Variants in CISD2 observed in about 807,000 individuals in gnomAD.
CISD2 encodes CDGSH iron-sulfur domain-containing protein 2.
Under a neutral mutation model 12.9 loss-of-function variants are expected in CISD2, and 1 was observed. That is an observed-to-expected ratio of 0.08 (90% CI 0.03 to 0.37). The LOEUF is 0.37. Ranked by LOEUF, CISD2 falls within the 10% of genes least tolerant of loss-of-function variation. The pLI is 0.99. For missense variants in CISD2, 97 were observed against 163.1 expected, an observed-to-expected ratio of 0.59 and a Z score of 2.21; for synonymous variants, 50 against 60.6, an observed-to-expected ratio of 0.83 and a Z score of 0.81.
intron 1 of CISD2, among the ~76,000 whole-genome samples, chr4:102,883,773 C>T (rs1444535354): frequency 2.0e-5 from 3 of 152,202 alleles, no homozygotes; most frequent in Admixed American, 2.0e-4. Flanking sequence ...ATTCTGGTAA[C>T]TACAAGATTA....
At chr4:102,879,913 C>G (rs1459375393) in intron 1 of CISD2, among the ~76,000 whole-genome samples, 1 of 151,868 alleles carries the variant, frequency 6.6e-6, no homozygotes, top group African/African-American at 2.4e-5. Context: ...AGGTCCCTGC[C>G]CTTGTATCTC....
chr4:102,873,384 A>C (rs927734099), intron 1 of CISD2, among the ~76,000 whole-genome samples: 4 of 151,970 alleles, frequency 2.6e-5, no homozygotes, highest in African/African-American at 9.7e-5. Context: ...CCATCCTCCC[A>C]CCTCAACCTC....
intron 1 of CISD2, among the ~76,000 whole-genome samples, chr4:102,878,196 C>T (rs1017718958): frequency 6.6e-6 from 1 of 152,128 alleles, no homozygotes; most frequent in African/African-American, 2.4e-5. Flanking sequence ...AGTGCAGTGA[C>T]ACAATCTCAG....
chr4:102,869,713 GTTAGAAT>G (rs1733376604), intron 1 of CISD2, among the ~76,000 whole-genome samples: 1 of 152,132 alleles, frequency 6.6e-6, no homozygotes, highest in Non-Finnish European at 1.5e-5. Flanking sequence ...ATTCCCTCAG[GTTAGAAT>G]TGACCTATCA....
rs529307966 is a variant in CISD2 at position 102,889,576 on chromosome 4, A to T, written c.*2146A>T. On this transcript the variant is annotated 3_prime_UTR_variant, in exon 3 of 3. Transcript: ENST00000273986. ...AATAACATTGAAAATGAATTATCTC[A>T]TAAAAGGTAATTTTAATACCCCAAA... 7.2e-5 allele frequency: 11 copies of T among 152,396 alleles called. No individual in the cohort carries two copies. Among genetic ancestry groups the T allele is most frequent in the African/African-American group, 2.6e-4 (11 of 41,598 alleles). 9.4% of individuals were successfully genotyped at this position (152,396 alleles called of 1,614,324 possible). A position where few individuals can be genotyped will look rare whatever the true frequency, so the allele number is the denominator to read the frequency against.
In CISD2 at chr4:102,889,963, A is replaced by G. The variant is rs1170701890; in HGVS notation, c.*2533A>G. 1 of 145,714 alleles carries G rather than the reference A, an allele frequency of 6.9e-6. No individual in the cohort carries two copies. The highest frequency in any genetic ancestry group is 6.9e-5 in the Admixed American group (1 of 14,444). 9.0% of individuals were successfully genotyped at this position (145,714 alleles called of 1,614,324 possible). ...ATGTCTTCGGTTTCTAGAGCCTTCA[A>G]AATACAGCCCTGTTGTTACTGCGTC... On this transcript the variant is annotated 3_prime_UTR_variant, in exon 3 of 3. Coordinates refer to ENST00000273986, the MANE Select transcript of CISD2 (RefSeq NM_001008388.5).
At chr4:102,882,171 A>G (rs538640906) in intron 1 of CISD2, among the ~76,000 whole-genome samples, 42 of 152,308 alleles carry the variant, frequency 2.8e-4, no homozygotes, top group Admixed American at 1.9e-3. Context: ...AGCCTGGGCA[A>G]TGGAAGTGAA....
chr4:102,873,703 C>A (rs548746601), intron 1 of CISD2, among the ~76,000 whole-genome samples: 2 of 140,366 alleles, frequency 1.4e-5, no homozygotes, highest in Non-Finnish European at 3.0e-5. Context: ...TACATTCCAG[C>A]CTAGGCAGCA....
At chr4:102,884,294 T>A (rs892782161) in intron 1 of CISD2, among the ~76,000 whole-genome samples, 1 of 152,246 alleles carries the variant, frequency 6.6e-6, no homozygotes, top group African/African-American at 2.4e-5. Flanking sequence ...ACTCTTAGCA[T>A]AACCTGTTCA....
intron 1 of CISD2, among the ~76,000 whole-genome samples, chr4:102,869,831 C>T (rs779512918): frequency 6.6e-6 from 1 of 152,004 alleles, no homozygotes; most frequent in Admixed American, 6.5e-5. Flanking sequence ...TATTCGAAGG[C>T]CGGTATGAGG....
chr4:102,869,871 A>G (rs932185474), intron 1 of CISD2, among the ~76,000 whole-genome samples: 4 of 152,172 alleles, frequency 2.6e-5, no homozygotes. Flanking sequence ...AAATTTAGTG[A>G]ATATATGTAA....
intron 1 of CISD2, among the ~76,000 whole-genome samples, chr4:102,877,010 C>A (rs1278792069): frequency 6.6e-6 from 1 of 152,136 alleles, no homozygotes; most frequent in African/African-American, 2.4e-5. Context: ...CAGTTTCCTC[C>A]CTCAACATGT....
intron 1 of CISD2, 178 bp from the exon 2 acceptor site, chr4:102,885,033 ATAAAG>A: frequency 3.4e-6 from 2 of 579,774 alleles, no homozygotes; most frequent in South Asian, 1.9e-5. Flanking sequence ...CAAATTATAA[ATAAAG>A]TAAGGTGGTC....
In CISD2 at chr4:102,891,348, G is replaced by C. The variant is rs951875373; in HGVS notation, c.*3918G>C. The C allele has an allele frequency of 3.3e-5, 5 of 152,200 alleles. No individual in the cohort carries two copies. Among genetic ancestry groups the C allele is most frequent in the African/African-American group, 1.2e-4 (5 of 41,452 alleles). 9.4% of individuals were successfully genotyped at this position (152,200 alleles called of 1,614,324 possible). A position where few individuals can be genotyped will look rare whatever the true frequency, so the allele number is the denominator to read the frequency against. On this transcript the variant is annotated 3_prime_UTR_variant, in exon 3 of 3. Coordinates refer to ENST00000273986, the MANE Select transcript of CISD2 (RefSeq NM_001008388.5). ...GCAGAAGGGGTGAACTACAAAATGT[G>C]ACAGCTGACAGCAAGTCAGGGGAAC...
rs551207619 is a variant in CISD2, at chr4:102,889,718, G to A, written c.*2288G>A. 1.3e-5 allele frequency: 2 copies of A among 152,128 alleles called. No individual in the cohort carries two copies. The highest frequency in any genetic ancestry group is 1.5e-5 in the Non-Finnish European group (1 of 68,030). The allele number at this position is 152,128 out of a possible 1,614,324, so 9.4% of individuals were successfully genotyped here. ...CCACCTGTGCACATTTTTCAGAAGC[G>A]TAGGGTTGGTAGTAAGCTGTTGCTT... is the stretch of plus-strand genomic sequence containing the variant. On this transcript the variant is annotated 3_prime_UTR_variant, in exon 3 of 3. Coordinates refer to ENST00000273986, the MANE Select transcript of CISD2 (RefSeq NM_001008388.5).
At chr4:102,869,397 G>C in intron 1 of CISD2, 1 of 726,186 alleles carries the variant, frequency 1.4e-6, no homozygotes, top group East Asian at 2.7e-5. Context: ...AGGGTCTTTT[G>C]TCCTCGGAGT....
At position 102,889,904 on chromosome 4, in the gene CISD2, A is replaced by G. The variant is rs935263081; in HGVS notation, c.*2474A>G. 2.0e-5 allele frequency: 3 copies of G among 152,322 alleles called. No homozygotes were observed. The highest frequency in any genetic ancestry group is 1.3e-4 in the Admixed American group (2 of 15,306). The allele number at this position is 152,322 out of a possible 1,614,324, so 9.4% of individuals were successfully genotyped here. A position where few individuals can be genotyped will look rare whatever the true frequency, so the allele number is the denominator to read the frequency against. On this transcript the variant is annotated 3_prime_UTR_variant, in exon 3 of 3. Coordinates refer to ENST00000273986, the MANE Select transcript of CISD2 (RefSeq NM_001008388.5). ...TGTAGAACTTGAGGATAAGTGGTAA[A>G]AGAAAAAAAAAAGTAACTTGGCTCT...
intron 1 of CISD2, among the ~76,000 whole-genome samples, chr4:102,877,638 C>T (rs1016498756): frequency 5.3e-5 from 8 of 152,244 alleles, no homozygotes; most frequent in African/African-American, 1.9e-4. Context: ...AGGGCTCCAA[C>T]CCCACATTTC....
At chr4:102,882,412 A>G (rs1733745402) in intron 1 of CISD2, among the ~76,000 whole-genome samples, 1 of 152,246 alleles carries the variant, frequency 6.6e-6, no homozygotes, top group Admixed American at 6.5e-5. Context: ...AAGGAACTCC[A>G]TATGCAAAGA....
Sources: gnomAD v4.1 joint callset for allele counts (sites outside exome capture counted in the v4.1 genomes callset) on GRCh38, gnomAD v4.1.1 for gene constraint, MANE v1.5 for transcripts, NCBI Gene and HGNC (gene_info 2026-07-23, HGNC 2026-07-21) for gene names.